CSMD1: variants seen among roughly 807,000 people sequenced by gnomAD.
The protein encoded by CSMD1 is CUB and Sushi multiple domains 1.
CSMD1 carries 213 observed loss-of-function variants against 417.5 expected under a neutral mutation model. That is an observed-to-expected ratio of 0.51 (90% CI 0.46 to 0.57). The LOEUF is 0.57. Among genes scored for constraint, CSMD1 ranks in the 20% least tolerant of loss-of-function variants. The pLI is 0.00. For synonymous variants in CSMD1, 2,862 were observed against 1,736.8 expected (o/e 1.65, Z -16.11); for missense variants, 6,923 against 4,529.7 (o/e 1.53, Z -15.17).
chr8:3,389,633 T>G (rs374614441), intron 17 of CSMD1, among the ~76,000 whole-genome samples: 46 of 43,652 alleles, frequency 1.1e-3, no homozygotes, highest in East Asian at 5.8e-3. Context: ...GGATTATATA[T>G]TAATGGTTTT....
At chr8:4,503,132 T>C (rs1301711851) in intron 2 of CSMD1, among the ~76,000 whole-genome samples, 1 of 152,206 alleles carries the variant, frequency 6.6e-6, no homozygotes, top group Non-Finnish European at 1.5e-5. Context: ...GTAATGGATA[T>C]GCTTTTTTTA....
At chr8:4,459,046 G>T (rs542796621) in intron 2 of CSMD1, among the ~76,000 whole-genome samples, 1 of 152,082 alleles carries the variant, frequency 6.6e-6, no homozygotes, top group Admixed American at 6.5e-5. Flanking sequence ...TCCAATCTAG[G>T]TGAGTATGGC....
chr8:4,982,691 A>G (rs1392172120), intron 1 of CSMD1, among the ~76,000 whole-genome samples: 1 of 152,216 alleles, frequency 6.6e-6, no homozygotes, highest in Non-Finnish European at 1.5e-5. Flanking sequence ...TAAAAGACCT[A>G]TCATTGTCCA....
At chr8:4,264,917 C>T (rs1421486402) in intron 3 of CSMD1, among the ~76,000 whole-genome samples, 1 of 152,006 alleles carries the variant, frequency 6.6e-6, no homozygotes, top group Non-Finnish European at 1.5e-5. Flanking sequence ...GGTTTAAGTC[C>T]CATTTCTAAA....
chr8:4,734,745 G>C (rs2116974192), intron 1 of CSMD1, among the ~76,000 whole-genome samples: 1 of 152,214 alleles, frequency 6.6e-6, no homozygotes, highest in South Asian at 2.1e-4. Flanking sequence ...TAAATTATTG[G>C]CTACTTCTTT....
chr8:4,194,876 T>G (rs1297353530), intron 3 of CSMD1, among the ~76,000 whole-genome samples: 1 of 152,128 alleles, frequency 6.6e-6, no homozygotes, highest in East Asian at 1.9e-4. Context: ...TTTTCATTGG[T>G]CAGCCACATA....
At chr8:3,874,873 G>A (rs1455710045) in intron 5 of CSMD1, among the ~76,000 whole-genome samples, 5 of 152,110 alleles carry the variant, frequency 3.3e-5, no homozygotes, top group Non-Finnish European at 4.4e-5. Flanking sequence ...GCAAAGGGTG[G>A]TGAGATCCAC....
At chr8:4,635,091 T>G (rs1802745083) in intron 2 of CSMD1, among the ~76,000 whole-genome samples, 1 of 152,164 alleles carries the variant, frequency 6.6e-6, no homozygotes, top group South Asian at 2.1e-4. Flanking sequence ...GACATATTTT[T>G]CTCTATTTCA....
At chr8:4,447,152 T>C (rs542059776) in intron 2 of CSMD1, among the ~76,000 whole-genome samples, 21 of 152,184 alleles carry the variant, frequency 1.4e-4, no homozygotes, top group Non-Finnish European at 2.5e-4. Context: ...ACAAACAACA[T>C]TTTAATAAAT....
chr8:4,332,397 G>C (rs1473006165), intron 3 of CSMD1, among the ~76,000 whole-genome samples: 2 of 152,074 alleles, frequency 1.3e-5, no homozygotes, highest in Non-Finnish European at 2.9e-5. Context: ...TGCGGCAGGA[G>C]GATAGTATAA....
intron 2 of CSMD1, among the ~76,000 whole-genome samples, chr8:4,436,365 G>T (rs1798149301): frequency 1.3e-5 from 2 of 152,084 alleles, no homozygotes; most frequent in South Asian, 4.2e-4. Context: ...TTAATTGCCT[G>T]ATTTATACAT....
chr8:3,908,595 G>A (rs534360961), intron 5 of CSMD1, among the ~76,000 whole-genome samples: 1 of 151,864 alleles, frequency 6.6e-6, no homozygotes, highest in Non-Finnish European at 1.5e-5. Flanking sequence ...TTTAATCCCT[G>A]GAACATACTT....
chr8:4,318,550 C>G lies in CSMD1; in HGVS notation c.415+101403G>C, dbSNP rs116058372. Among the ~76,000 whole-genome samples, 744 of 152,130 alleles carry G rather than the reference C, an allele frequency of 4.9e-3. 6 individuals carry two copies. The highest frequency in any genetic ancestry group is 0.016 in the African/African-American group (666 of 41,526). On this transcript the variant is annotated intron_variant, in intron 3 of 69. Transcript: ENST00000635120. Reference sequence around the variant, plus strand: ...GTACTGATTAATAAAGTTACGTTAACAAGAGCTTTTACACTAAAAAGAATA... The same window carrying G: ...GTACTGATTAATAAAGTTACGTTAAGAAGAGCTTTTACACTAAAAAGAATA...
intron 3 of CSMD1, among the ~76,000 whole-genome samples, chr8:4,309,926 T>G (rs776436125): frequency 6.6e-6 from 1 of 152,192 alleles, no homozygotes; most frequent in Non-Finnish European, 1.5e-5. Flanking sequence ...AGAAGCTCAT[T>G]AGAAACATGA....
chr8:4,236,049 T>TTTTTTTTTTTTTTTTTTG (rs1802035748), intron 3 of CSMD1, among the ~76,000 whole-genome samples: 1 of 73,098 alleles, frequency 1.4e-5, no homozygotes, highest in Non-Finnish European at 2.9e-5. Context: ...GTTTTTTTTT[T>TTTTTTTTTTTTTTTTTTG]TTTTTTTTTT....
Position 4,107,129 on chromosome 8 carries a change from T to C in CSMD1, c.416-75030A>G, listed in dbSNP as rs962508809. ...AGAAATGAGGACTAACAACCAAGCA[T>C]AGTACTGGTTCTACTACACACAATT... On this transcript the variant is annotated intron_variant, in intron 3 of 69. Coordinates refer to ENST00000635120, the MANE Select transcript of CSMD1 (RefSeq NM_033225.6). Among the ~76,000 whole-genome samples, 5 of 152,072 alleles carry C rather than the reference T, an allele frequency of 3.3e-5. No individual in the cohort carries two copies. In the East Asian group the frequency reaches 5.8e-4, roughly 18 times the overall value.
At chr8:3,221,908 A>G (rs1798238842) in intron 28 of CSMD1, among the ~76,000 whole-genome samples, 1 of 151,990 alleles carries the variant, frequency 6.6e-6, no homozygotes, top group African/African-American at 2.4e-5. Context: ...CCTCCCATAA[A>G]AAAAACACAC....
intron 7 of CSMD1, among the ~76,000 whole-genome samples, chr8:3,698,598 C>T (rs548499071): frequency 2.2e-4 from 34 of 152,288 alleles, no homozygotes; most frequent in African/African-American, 7.5e-4. Flanking sequence ...ATAAATCACA[C>T]GTTCCTAATA....
intron 49 of CSMD1, among the ~76,000 whole-genome samples, chr8:3,082,029 A>AT (rs1251730055): frequency 1.3e-5 from 2 of 152,086 alleles, no homozygotes; most frequent in African/African-American, 4.8e-5. Flanking sequence ...CCACCAACAT[A>AT]TGTCATCCCA....
Sources: gnomAD v4.1 joint callset for allele counts (sites outside exome capture counted in the v4.1 genomes callset) on GRCh38, gnomAD v4.1.1 for gene constraint, MANE v1.5 for transcripts, NCBI Gene and HGNC (gene_info 2026-07-23, HGNC 2026-07-21) for gene names.